Variants in MEF2C observed in about 807,000 individuals in gnomAD.
MEF2C encodes myocyte-specific enhancer factor 2C.
Under a neutral mutation model 50.5 loss-of-function variants are expected in MEF2C, and 6 were observed. That is an observed-to-expected ratio of 0.12 (90% CI 0.07 to 0.23). MEF2C has a LOEUF of 0.23. MEF2C is among the 10% of genes least tolerant of loss of function. The pLI, the probability that MEF2C is intolerant of heterozygous loss-of-function variation, is 1.00. For synonymous variants in MEF2C, 183 were observed against 228.0 expected (o/e 0.80, Z 1.78); for missense variants, 276 against 605.0 (o/e 0.46, Z 5.70).
At chr5:88,832,948 T>TA (rs1443363111) in intron 1 of MEF2C, among the ~76,000 whole-genome samples, 10 of 152,130 alleles carry the variant, frequency 6.6e-5, no homozygotes, top group Admixed American at 5.2e-4. Flanking sequence ...TAAAAACTGT[T>TA]AGAGAATTGA....
intron 2 of MEF2C, chr5:88,819,293 G>A (rs755960424): frequency 1.7e-5 from 16 of 943,552 alleles, no homozygotes; most frequent in Admixed American, 6.2e-5. Flanking sequence ...AATTTGTTTC[G>A]TGTTGAATAT....
chr5:88,898,125 A>G lies in MEF2C; in HGVS notation c.-240+5791T>C, dbSNP rs142569987. On this transcript the variant is annotated intron_variant, in intron 1 of 11. Transcript: ENST00000340208. The stretch of plus-strand genomic sequence containing the variant: ...TTTGTTATTCACTCCTGTTCTCTCC[A>G]CTAATGTTCACAAATTTTGTGGAAC... Among the ~76,000 whole-genome samples the G allele has an allele frequency of 1.1e-4, 16 of 152,188 alleles. 1 individual carries two copies. The East Asian group carries it at 3.1e-3, about 29-fold the overall frequency.
chr5:88,883,060 T>C lies in MEF2C; in HGVS notation c.-248A>G, dbSNP rs533320842. The C allele has an allele frequency of 6.6e-6, 1 of 151,968 alleles. No homozygotes were observed. Among genetic ancestry groups the C allele is most frequent in the African/African-American group, 2.4e-5 (1 of 41,332 alleles). The allele number at this position is 151,968 out of a possible 1,614,324, so 9.4% of individuals were successfully genotyped here. A position where few individuals can be genotyped will look rare whatever the true frequency, so the allele number is the denominator to read the frequency against. On this transcript the variant is annotated 5_prime_UTR_variant, in exon 1 of 11. Coordinates refer to ENST00000504921, the MANE Select transcript of MEF2C (RefSeq NM_002397.5). ...ACAATAATCTTTACTTCGTCCAGCG[T>C]TGAAGTGCTTCTCCACCTGATTCAA... is the stretch of plus-strand genomic sequence containing the variant.
At chr5:88,848,873 C>T (rs1460953954) in intron 1 of MEF2C, among the ~76,000 whole-genome samples, 1 of 152,032 alleles carries the variant, frequency 6.6e-6, no homozygotes, top group Non-Finnish European at 1.5e-5. Context: ...TTATTGTGAG[C>T]CAGGCGTGGT....
intron 6 of MEF2C, among the ~76,000 whole-genome samples, chr5:88,746,276 G>A (rs967636260): frequency 1.3e-5 from 2 of 152,148 alleles, no homozygotes; most frequent in African/African-American, 4.8e-5. Flanking sequence ...ATGATGGTAT[G>A]ATGAGAAAAG....
rs1469019407 is a variant in MEF2C, at chr5:88,749,120, A to G, written c.590-3T>C. The G allele has an allele frequency of 1.3e-6, 2 of 1,567,898 alleles. No individual in the cohort carries two copies. Among genetic ancestry groups the G allele is most frequent in the Admixed American group, 1.9e-5 (1 of 52,562 alleles). The stretch of plus-strand genomic sequence containing the variant: ...GAGGTCTCCACCCATCAGACCACCT[A>G]TGGATTAAAGAGGAAGATCAAAACG... On this transcript the variant is annotated splice_region_variant and splice_polypyrimidine_tract_variant and intron_variant, in intron 5 of 10. Transcript: ENST00000504921.
intron 1 of MEF2C, among the ~76,000 whole-genome samples, chr5:88,832,259 C>T (rs1052457887): frequency 2.0e-5 from 3 of 152,080 alleles, no homozygotes; most frequent in Non-Finnish European, 1.5e-5. Context: ...TTCTGGCTAA[C>T]ATAAATCAAT....
At chr5:88,765,494 A>G (rs979509609) in intron 3 of MEF2C, among the ~76,000 whole-genome samples, 1 of 152,224 alleles carries the variant, frequency 6.6e-6, no homozygotes, top group Non-Finnish European at 1.5e-5. Context: ...ATAACAAAAG[A>G]ATTTCTGTTA....
intron 1 of MEF2C, among the ~76,000 whole-genome samples, chr5:88,899,314 T>C (rs1835406271): frequency 1.3e-5 from 2 of 152,122 alleles, no homozygotes; most frequent in African/African-American, 4.8e-5. Flanking sequence ...CTTATAGCAA[T>C]AGGGATAGGG....
At chr5:88,749,144 C>T (rs1004306890) in intron 5 of MEF2C, 27 bp from the exon 6 acceptor site, 13 of 1,550,016 alleles carry the variant, frequency 8.4e-6, no homozygotes, top group East Asian at 7.2e-5. Context: ...AAGATCAAAA[C>T]GAGAAAGGCT....
chr5:88,843,782 TTTGA>T (rs749200917), intron 1 of MEF2C, among the ~76,000 whole-genome samples: 1 of 151,724 alleles, frequency 6.6e-6, no homozygotes, highest in South Asian at 2.1e-4. Context: ...TTAATTTGTG[TTTGA>T]TTGTTTGTTC....
chr5:88,883,863 C>G (rs1482279846), upstream of MEF2C: 1 of 152,222 alleles, frequency 6.6e-6, no homozygotes, highest in Non-Finnish European at 1.5e-5. Context: ...CTCCACTACA[C>G]TACTTTAATT....
chr5:88,843,008 G>A (rs1353427708), intron 1 of MEF2C, among the ~76,000 whole-genome samples: 9 of 152,034 alleles, frequency 5.9e-5, no homozygotes, highest in Non-Finnish European at 1.3e-4. Flanking sequence ...CTTCAGTCCT[G>A]CTCTAGAAGG....
chr5:88,809,047 T>C (rs1346951650), intron 2 of MEF2C, among the ~76,000 whole-genome samples: 1 of 152,142 alleles, frequency 6.6e-6, no homozygotes, highest in Non-Finnish European at 1.5e-5. Context: ...TGATATAGCA[T>C]AGAAAGCAGA....
At chr5:88,743,255 G>T (rs1246295918) in intron 6 of MEF2C, 1 of 983,956 alleles carries the variant, frequency 1.0e-6, no homozygotes, top group Non-Finnish European at 1.2e-6. Context: ...GTTTTCCTGG[G>T]CAACAAAAAA....
intron 3 of MEF2C, among the ~76,000 whole-genome samples, chr5:88,788,237 G>GGCTGGAGT: frequency 6.6e-6 from 1 of 152,140 alleles, no homozygotes; most frequent in Admixed American, 6.5e-5. Context: ...CTGTCACCCA[G>GGCTGGAGT]GCTGGAGTGC....
At chr5:88,900,794 A>G (rs1473230557) in intron 1 of MEF2C, among the ~76,000 whole-genome samples, 5 of 151,912 alleles carry the variant, frequency 3.3e-5, no homozygotes, top group Non-Finnish European at 5.9e-5. Context: ...AAATCCCTGG[A>G]TATTAAGTTG....
intron 1 of MEF2C, among the ~76,000 whole-genome samples, chr5:88,858,628 C>A (rs1286964342): frequency 6.6e-6 from 1 of 152,138 alleles, no homozygotes; most frequent in Non-Finnish European, 1.5e-5. Flanking sequence ...CCTTCTCTGG[C>A]CCTCACTTAC....
At chr5:88,778,739 T>C (rs1475907444) in intron 3 of MEF2C, among the ~76,000 whole-genome samples, 3 of 152,220 alleles carry the variant, frequency 2.0e-5, no homozygotes, top group Non-Finnish European at 4.4e-5. Context: ...CCCAATTTTT[T>C]CAACAGTTAC....
Sources: gnomAD v4.1 joint callset for allele counts (sites outside exome capture counted in the v4.1 genomes callset) on GRCh38, gnomAD v4.1.1 for gene constraint, MANE v1.5 for transcripts, NCBI Gene and HGNC (gene_info 2026-07-23, HGNC 2026-07-21) for gene names.